The following KCNC4 variants were observed in gnomAD, a reference collection of about 807,000 sequenced individuals.
KCNC4 encodes potassium voltage-gated channel subfamily C member 4, also known as voltage-gated potassium channel KCNC4.
Under a neutral mutation model 42.8 loss-of-function variants are expected in KCNC4, and 23 were observed. That is an observed-to-expected ratio of 0.54 (90% confidence interval 0.39 to 0.76). KCNC4 has a LOEUF of 0.76. Ranked by LOEUF, KCNC4 falls within the 30% of genes least tolerant of loss-of-function variation. The pLI is 0.00. For synonymous variants in KCNC4, 422 were observed against 393.5 expected (o/e 1.07, Z -0.86); for missense variants, 751 against 898.2 (o/e 0.84, Z 2.10).
chr1:110,221,671 A>G (rs1347280532), intron 1 of KCNC4: 1 of 152,234 alleles, frequency 6.6e-6, no homozygotes, highest in Non-Finnish European at 1.5e-5. Flanking sequence ...GTGCCTGTCC[A>G]CACAGCCAGG....
intron 3 of KCNC4, chr1:110,232,427 A>G (rs756262500): frequency 8.5e-5 from 128 of 1,497,478 alleles, no homozygotes; most frequent in East Asian, 1.2e-4. Context: ...GGAGAGCTCA[A>G]GTTGGTCAGG....
At chr1:110,266,174 G>A (rs1199571779) in intron 1 of KCNC4, among the ~76,000 whole-genome samples, 1 of 152,220 alleles carries the variant, frequency 6.6e-6, no homozygotes, top group Non-Finnish European at 1.5e-5. Flanking sequence ...AGGGAAGCAA[G>A]TTAAGTGGCT....
At chr1:110,222,931 C>A in intron 1 of KCNC4, 33 bp from the exon 2 acceptor site, 2 of 1,544,288 alleles carry the variant, frequency 1.3e-6, no homozygotes, top group Non-Finnish European at 1.8e-6. Context: ...CCCTGTCTGA[C>A]AGCTGCCCCC....
intron 1 of KCNC4, among the ~76,000 whole-genome samples, chr1:110,218,053 A>C (rs533097614): frequency 6.6e-6 from 1 of 151,972 alleles, no homozygotes; most frequent in Non-Finnish European, 1.5e-5. Flanking sequence ...TCCTTAATAT[A>C]GGTTTTTGGG....
downstream of KCNC4, chr1:110,238,352 G>C (rs889032550): frequency 3.3e-5 from 5 of 152,230 alleles, no homozygotes; most frequent in African/African-American, 1.2e-4. Flanking sequence ...GCAACCTCTG[G>C]TTGCTGGTGG....
chr1:110,225,520 A>G (rs1658340624), intron 2 of KCNC4: 1 of 155,712 alleles, frequency 6.4e-6, no homozygotes, highest in East Asian at 1.9e-4. Context: ...GGGAGAAAGC[A>G]TGGACGCCAC....
In KCNC4 at chr1:110,233,733, G is replaced by C. The variant is rs1468083909; in HGVS notation, c.*761G>C. 1.3e-5 allele frequency: 2 copies of C among 152,442 alleles called. No homozygotes were observed. Among genetic ancestry groups the C allele is most frequent in the Non-Finnish European group, 2.9e-5 (2 of 68,222 alleles). 9.4% of individuals were successfully genotyped at this position (152,442 alleles called of 1,614,324 possible). A position where few individuals can be genotyped will look rare whatever the true frequency, so the allele number is the denominator to read the frequency against. Reference sequence around the variant, plus strand: ...AGGATCTGTCTGCCCATCTGGCCCAGGGGGTCCGAGAAGGGAAGCCTTGGG... The same window carrying C: ...AGGATCTGTCTGCCCATCTGGCCCACGGGGTCCGAGAAGGGAAGCCTTGGG... On this transcript the variant is annotated 3_prime_UTR_variant, in exon 4 of 4. Transcript: ENST00000438661.
chr1:110,272,641 A>T (rs1445991915), intron 1 of KCNC4: 1 of 152,236 alleles, frequency 6.6e-6, no homozygotes, highest in Non-Finnish European at 1.5e-5. Flanking sequence ...TCTCATTCAT[A>T]ATAATCCATG....
chr1:110,213,158 T>C (rs990543986), intron 1 of KCNC4, among the ~76,000 whole-genome samples: 3 of 113,626 alleles, frequency 2.6e-5, no homozygotes, highest in Admixed American at 1.1e-4. Context: ...TCCCCCATTA[T>C]GCTTCGACAG....
At chr1:110,217,938 C>A (rs1042495530) in intron 1 of KCNC4, among the ~76,000 whole-genome samples, 7 of 152,192 alleles carry the variant, frequency 4.6e-5, no homozygotes, top group African/African-American at 1.7e-4. Flanking sequence ...AAGGATCTTG[C>A]TTCCCTGGAA....
At chr1:110,222,819 C>A in intron 1 of KCNC4, 145 bp from the exon 2 acceptor site, 1 of 621,522 alleles carries the variant, frequency 1.6e-6, no homozygotes, top group African/African-American at 1.8e-5. Context: ...TGAGGAGGGA[C>A]TTCCAGCCCT....
At chr1:110,275,475 G>C (rs1659701371) in intron 1 of KCNC4, among the ~76,000 whole-genome samples, 1 of 152,110 alleles carries the variant, frequency 6.6e-6, no homozygotes, top group African/African-American at 2.4e-5. Flanking sequence ...ACTAAAAATA[G>C]AACTACCATT....
At chr1:110,250,327 C>T (rs1039682173), downstream of KCNC4, among the ~76,000 whole-genome samples, 1 of 152,200 alleles carries the variant, frequency 6.6e-6, no homozygotes, top group African/African-American at 2.4e-5. Context: ...CTGTATCTTG[C>T]CCTACTGCCT....
intron 1 of KCNC4, among the ~76,000 whole-genome samples, chr1:110,276,267 A>G (rs1334904857): frequency 6.7e-6 from 1 of 149,604 alleles, no homozygotes; most frequent in Non-Finnish European, 1.5e-5. Context: ...ATCCATGTAA[A>G]AAAAGCTGCA....
At chr1:110,268,169 A>C (rs1411737159) in intron 1 of KCNC4, among the ~76,000 whole-genome samples, 1 of 152,176 alleles carries the variant, frequency 6.6e-6, no homozygotes, top group Non-Finnish European at 1.5e-5. Flanking sequence ...GCAGACCAAG[A>C]GATAGATGCC....
At chr1:110,257,720 C>CAAAAAAAAAAAAAAAAAAA (rs56333861) in intron 1 of KCNC4, among the ~76,000 whole-genome samples, 1 of 91,010 alleles carries the variant, frequency 1.1e-5, no homozygotes, top group African/African-American at 5.0e-5. Context: ...GACTCCGTCT[C>CAAAAAAAAAAAAAAAAAAA]AAAAAAAAAA....
At chr1:110,227,174 C>T (rs1164085433) in intron 3 of KCNC4, among the ~76,000 whole-genome samples, 1 of 152,228 alleles carries the variant, frequency 6.6e-6, no homozygotes, top group Non-Finnish European at 1.5e-5. Context: ...CCCCACTTCC[C>T]TCTGTCCCCA....
chr1:110,225,639 A>G (rs1014496191), intron 2 of KCNC4: 5 of 235,112 alleles, frequency 2.1e-5, no homozygotes, highest in African/African-American at 1.1e-4. Flanking sequence ...CCCAAGGAGG[A>G]AGTAGAGTCT....
rs543435466 is a variant in KCNC4, at chr1:110,222,901, C to G, written c.679-63C>G. ...GTAACCTTCATGCAGAAGTCCACGT[C>G]CCCAGCTGGGCCCATCCATCCCTGT... On this transcript the variant is annotated intron_variant, in intron 1 of 3. Coordinates refer to ENST00000438661, the MANE Select transcript of KCNC4 (RefSeq NM_001039574.3). The G allele has an allele frequency of 3.5e-5, 45 of 1,269,428 alleles. No individual in the cohort carries two copies. The South Asian group carries it at 5.6e-4, about 16-fold the overall frequency. 78.6% of individuals were successfully genotyped at this position (1,269,428 alleles called of 1,614,324 possible). A position where few individuals can be genotyped will look rare whatever the true frequency, so the allele number is the denominator to read the frequency against.
Sources: gnomAD v4.1 joint callset for allele counts (sites outside exome capture counted in the v4.1 genomes callset) on GRCh38, gnomAD v4.1.1 for gene constraint, MANE v1.5 for transcripts, NCBI Gene and HGNC (gene_info 2026-07-23, HGNC 2026-07-21) for gene names.